The following EPB41L3 variants were observed in gnomAD, a reference collection of about 807,000 sequenced individuals.
EPB41L3 encodes erythrocyte membrane protein band 4.1 like 3.
In EPB41L3, 57 loss-of-function variants were observed where a neutral mutation model predicts 127.1. The observed-to-expected ratio is 0.45, with a 90% CI of 0.36 to 0.56. The LOEUF is 0.56. EPB41L3 is among the 20% of genes least tolerant of loss of function. The pLI is 0.00. For missense variants in EPB41L3, 1,273 were observed against 1,372.2 expected, an observed-to-expected ratio of 0.93 and a Z score of 1.14; for synonymous variants, 572 against 549.5, an observed-to-expected ratio of 1.04 and a Z score of -0.57.
At chr18:5,598,640 A>G (rs1360903140) in intron 3 of EPB41L3, among the ~76,000 whole-genome samples, 1 of 152,200 alleles carries the variant, frequency 6.6e-6, no homozygotes, top group Non-Finnish European at 1.5e-5. Flanking sequence ...ATTAGAATTC[A>G]ACATTAGATA....
chr18:5,507,119 A>G (rs983250402), intron 1 of EPB41L3, among the ~76,000 whole-genome samples: 5 of 152,106 alleles, frequency 3.3e-5, no homozygotes, highest in Non-Finnish European at 5.9e-5. Flanking sequence ...TCCATCCTAA[A>G]TCCTGACCCT....
chr18:5,447,292 A>G (rs2081602880), intron 3 of EPB41L3, among the ~76,000 whole-genome samples: 1 of 152,188 alleles, frequency 6.6e-6, no homozygotes, highest in African/African-American at 2.4e-5. Flanking sequence ...GCTGACAAAC[A>G]GTAGAATAAC....
chr18:5,561,224 G>T (rs1406819582), intron 3 of EPB41L3, among the ~76,000 whole-genome samples: 2 of 152,004 alleles, frequency 1.3e-5, no homozygotes, highest in African/African-American at 4.8e-5. Flanking sequence ...TGATCCGCCC[G>T]CCTCGGCCTC....
rs147522429 is a variant in EPB41L3, at chr18:5,489,603, T to G, written c.-11-409A>C. On this transcript the variant is annotated intron_variant, in intron 1 of 22. Transcript: ENST00000341928. ...TAATAACGGAAGCAGACATTCTTTC[T>G]CATTTCCCTCCCCCTTCCTATCTCT... Among the ~76,000 whole-genome samples the G allele has an allele frequency of 2.8e-3, 426 of 152,364 alleles. 3 individuals carry two copies. The highest frequency in any genetic ancestry group is 5.1e-3 in the Non-Finnish European group (350 of 68,040).
At position 5,396,277 on chromosome 18, in the gene EPB41L3, A is replaced by C. The variant is rs1409101190; in HGVS notation, c.2897T>G (p.Val966Gly). Residue 966 changes from valine (V) to glycine (G), a missense_variant, in exon 19 of 23, where the codon GTA becomes GGA. Transcript: ENST00000341928. ...ISFGSVSPGG[V>G]KLEISTKEVP... is the part of the protein sequence containing the mutation. ...TTCCTTCGTGGAAATTTCTAGCTTT[A>C]CTCCTCCCGGTGAAACACTGCCAAA... The C allele has an allele frequency of 5.0e-6, 8 of 1,613,656 alleles. No individual in the cohort carries two copies. Among genetic ancestry groups the C allele is most frequent in the Non-Finnish European group, 6.8e-6 (8 of 1,179,938 alleles).
At chr18:5,559,103 T>A (rs541461589) in intron 3 of EPB41L3, among the ~76,000 whole-genome samples, 1 of 152,182 alleles carries the variant, frequency 6.6e-6, no homozygotes, top group African/African-American at 2.4e-5. Context: ...ATAAACAATT[T>A]TTTTTTCTGG....
At chr18:5,436,540 C>G (rs2079854244) in intron 6 of EPB41L3, among the ~76,000 whole-genome samples, 1 of 151,236 alleles carries the variant, frequency 6.6e-6, no homozygotes, top group African/African-American at 2.4e-5. Context: ...TCCTGAGTAG[C>G]TGGGACTTCA....
At chr18:5,588,945 C>T (rs2094462716) in intron 3 of EPB41L3, among the ~76,000 whole-genome samples, 1 of 122,314 alleles carries the variant, frequency 8.2e-6, no homozygotes. Context: ...TATGACTTCT[C>T]AGTTCAATAA....
In EPB41L3 at chr18:5,613,930, T is replaced by C. The variant is rs578106227; in HGVS notation, c.-395+421A>G. Among the ~76,000 whole-genome samples, 143 of 152,378 alleles carry C rather than the reference T, an allele frequency of 9.4e-4. 1 individual carries two copies. Among genetic ancestry groups the C allele is most frequent in the Non-Finnish European group, 1.9e-3 (131 of 68,034 alleles). ...CAAAAACGTTCTCAGTTGTAATTTC[T>C]GAGGCAGTAAATATCAATAGATAAC... On this transcript the variant is annotated intron_variant, in intron 2 of 21. Transcript: ENST00000545076.
chr18:5,499,829 G>GTGTATA (rs563662904), intron 1 of EPB41L3, among the ~76,000 whole-genome samples: 45 of 124,616 alleles, frequency 3.6e-4, no homozygotes, highest in African/African-American at 1.3e-3. Context: ...CTATGTGTGT[G>GTGTATA]TATATATATA....
intron 3 of EPB41L3, among the ~76,000 whole-genome samples, chr18:5,465,480 C>G (rs567774606): frequency 6.6e-6 from 1 of 152,076 alleles, no homozygotes. Context: ...AGGTTCTGAT[C>G]CTATTTTCAT....
At chr18:5,529,705 C>T (rs1369513731) in intron 1 of EPB41L3, among the ~76,000 whole-genome samples, 1 of 152,222 alleles carries the variant, frequency 6.6e-6, no homozygotes, top group African/African-American at 2.4e-5. Flanking sequence ...CTACTTCTCC[C>T]TTGCAGATTC....
chr18:5,572,117 G>A (rs2094288542), intron 3 of EPB41L3, among the ~76,000 whole-genome samples: 1 of 152,158 alleles, frequency 6.6e-6, no homozygotes. Context: ...ATGTGAAAAG[G>A]ATGCTATCTA....
intron 3 of EPB41L3, among the ~76,000 whole-genome samples, chr18:5,461,473 A>C (rs1251942320): frequency 6.6e-6 from 1 of 152,238 alleles, no homozygotes; most frequent in Non-Finnish European, 1.5e-5. Flanking sequence ...CATACATGTT[A>C]AACACAGCTG....
chr18:5,525,038 C>T (rs1719953), intron 1 of EPB41L3, among the ~76,000 whole-genome samples: 34,407 of 152,200 alleles, frequency 0.23, 4,373 homozygotes, highest in African/African-American at 0.35. Context: ...ATCATTCATT[C>T]GTGGCAGAAA....
intron 3 of EPB41L3, among the ~76,000 whole-genome samples, chr18:5,589,562 T>C (rs1568614659): frequency 1.3e-5 from 2 of 152,182 alleles, no homozygotes; most frequent in Non-Finnish European, 1.5e-5. Context: ...TGTAGTCTTA[T>C]CCAAATCTGT....
Position 5,419,745 on chromosome 18 carries a change from A to G in EPB41L3, c.1472T>C (p.Val491Ala). The G allele has an allele frequency of 1.9e-6, 3 of 1,614,102 alleles. No homozygotes were observed. Among genetic ancestry groups the G allele is most frequent in the Non-Finnish European group, 2.5e-6 (3 of 1,180,014 alleles). Residue 491 changes from valine (V) to alanine (A), a missense_variant, in exon 12 of 23, where the codon GTC becomes GCC. Val to Ala is a moderately conservative substitution (Grantham distance 64, BLOSUM62 0). Coordinates refer to ENST00000341928, the MANE Select transcript of EPB41L3 (RefSeq NM_012307.5). Reference protein sequence around the residue: ...EEDKRRKGEEVTPISAIRHEG... With the variant: ...EEDKRRKGEEATPISAIRHEG... Reference sequence around the variant, plus strand: ...GTGCCGGATGGCCGAGATGGGCGTGACTTCTTCCCCCTTCCTCCGTTTGTC... The same window carrying G: ...GTGCCGGATGGCCGAGATGGGCGTGGCTTCTTCCCCCTTCCTCCGTTTGTC...
chr18:5,488,982 T>C lies in EPB41L3; in HGVS notation c.183+19A>G. 6.4e-7 allele frequency: 1 copy of C among 1,566,118 alleles called. No homozygotes were observed. The highest frequency in any genetic ancestry group is 8.6e-7 in the Non-Finnish European group (1 of 1,168,152). On this transcript the variant is annotated intron_variant, in intron 2 of 22. Transcript: ENST00000341928. The stretch of plus-strand genomic sequence containing the variant: ...AGCTCAGCAAACACTGCGTCATTAG[T>C]TTTCTGGCCTGGGCTCACCTCCCTC...
At position 5,407,732 on chromosome 18, in the gene EPB41L3, T is replaced by A; in HGVS notation, c.2126A>T (p.Asp709Val). The A allele has an allele frequency of 6.8e-6, 11 of 1,614,048 alleles. No individual in the cohort carries two copies. The Admixed American group carries it at 1.5e-4, about 22-fold the overall frequency. The change falls in exon 15 of 23, where the codon GAC (aspartate) becomes GTC (valine). Residue 709 changes from aspartate (D) to valine (V), a missense_variant. Transcript: ENST00000341928. ...ADGETTATES[D>V]QEEDAELKAQ... Reference sequence around the variant, plus strand: ...CTTGAGCTCTGCATCTTCCTCCTGGTCCGACTGCCAGCATCAAGAAAGAGT... The same window carrying A: ...CTTGAGCTCTGCATCTTCCTCCTGGACCGACTGCCAGCATCAAGAAAGAGT...
Sources: gnomAD v4.1 joint callset for allele counts (sites outside exome capture counted in the v4.1 genomes callset) on GRCh38, gnomAD v4.1.1 for gene constraint, MANE v1.5 for transcripts, NCBI Gene and HGNC (gene_info 2026-07-23, HGNC 2026-07-21) for gene names.